The following KIF5C variants were observed in gnomAD, a reference collection of about 807,000 sequenced individuals.
The protein encoded by KIF5C is kinesin heavy chain isoform 5C.
In KIF5C, 18 loss-of-function variants were observed where a neutral mutation model predicts 125.2. The ratio of observed to expected loss-of-function variants is 0.14; its 90% CI spans 0.10 to 0.21. KIF5C has a LOEUF of 0.21. Among genes scored for constraint, KIF5C ranks in the 10% least tolerant of loss-of-function variants. The pLI, the probability that KIF5C is intolerant of heterozygous loss-of-function variation, is 1.00. For missense variants in KIF5C, 780 were observed against 1,183.8 expected (o/e 0.66, Z 5.01); for synonymous variants, 405 against 434.0 (o/e 0.93, Z 0.83).
Position 149,017,777 on chromosome 2 carries a change from C to T in KIF5C, c.*8-5301C>T, listed in dbSNP as rs549525288. Among the ~76,000 whole-genome samples the T allele has an allele frequency of 2.6e-5, 4 of 152,312 alleles. No individual in the cohort carries two copies. The South Asian group carries it at 8.3e-4, about 32-fold the overall frequency. On this transcript the variant is annotated intron_variant, in intron 25 of 25. Coordinates refer to ENST00000435030, the MANE Select transcript of KIF5C (RefSeq NM_004522.3). ...TTATTTTATTATAATACAATTTGCACATTGTAAACAGTATACATTCCCTAC... is the reference window on the plus strand; with the variant it reads ...TTATTTTATTATAATACAATTTGCATATTGTAAACAGTATACATTCCCTAC...
In KIF5C at chr2:148,875,576, C is replaced by CCCCCCCCCCAACCCCCAG; in HGVS notation, c.-37_-36insCCCCAACCCCCAGCCCCC. 1 of 549,558 alleles carries CCCCCCCCCCAACCCCCAG rather than the reference C, an allele frequency of 1.8e-6. No homozygotes were observed. Among genetic ancestry groups the CCCCCCCCCCAACCCCCAG allele is most frequent in the Non-Finnish European group, 3.4e-6 (1 of 291,390 alleles). The allele number at this position is 549,558 out of a possible 1,614,324, so 34.0% of individuals were successfully genotyped here. A position where few individuals can be genotyped will look rare whatever the true frequency, so the allele number is the denominator to read the frequency against. On this transcript the variant is annotated 5_prime_UTR_variant, in exon 1 of 26. Coordinates refer to ENST00000435030, the MANE Select transcript of KIF5C (RefSeq NM_004522.3). ...CCTCCCTCGTCGTTCCCGGCCCCGG[C>CCCCCCCCCCAACCCCCAG]CCCCCACCCATCCCCGTGCCCCCTC...
chr2:148,919,677 G>A (rs1452097816), intron 1 of KIF5C, among the ~76,000 whole-genome samples: 2 of 152,098 alleles, frequency 1.3e-5, no homozygotes, highest in Non-Finnish European at 2.9e-5. Flanking sequence ...TATACAGCTG[G>A]TACAGCTATG....
chr2:148,942,636 C>G (rs1381626399), intron 6 of KIF5C, 37 bp from the exon 7 acceptor site: 3 of 1,585,286 alleles, frequency 1.9e-6, no homozygotes, highest in Admixed American at 1.8e-5. Flanking sequence ...TGCTTTTCAA[C>G]TCTTTCAGTG....
chr2:149,020,722 C>T (rs970128519), intron 25 of KIF5C, among the ~76,000 whole-genome samples: 1 of 152,152 alleles, frequency 6.6e-6, no homozygotes, highest in Non-Finnish European at 1.5e-5. Flanking sequence ...GGATAGCGTG[C>T]GTGGAGAAAT....
rs147547924 is a variant in KIF5C at position 149,011,690 on chromosome 2, C to T, written c.*7+7C>T. On this transcript the variant is annotated splice_region_variant and intron_variant, in intron 25 of 25. Coordinates refer to ENST00000435030, the MANE Select transcript of KIF5C (RefSeq NM_004522.3). ...TACCAGAAATAAATACAAAGTGAGT[C>T]CCATGTCAAGGGTGGTTTCTCTATC... is the stretch of plus-strand genomic sequence containing the variant. 7 of 1,613,948 alleles carry T rather than the reference C, an allele frequency of 4.3e-6. No individual in the cohort carries two copies. In the African/African-American group the frequency reaches 9.3e-5, roughly 22 times the overall value.
At chr2:148,887,630 A>T (rs935163031) in intron 1 of KIF5C, among the ~76,000 whole-genome samples, 4 of 152,076 alleles carry the variant, frequency 2.6e-5, no homozygotes, top group African/African-American at 9.7e-5. Flanking sequence ...GGACAATTTG[A>T]TTCTTACTTT....
chr2:148,995,312 G>T (rs911335311), intron 17 of KIF5C, among the ~76,000 whole-genome samples: 2 of 152,158 alleles, frequency 1.3e-5, no homozygotes, highest in African/African-American at 4.8e-5. Flanking sequence ...CCCTTCCATG[G>T]CATCCTGTTG....
chr2:148,887,693 TTA>T (rs201911593), intron 1 of KIF5C, among the ~76,000 whole-genome samples: 1,780 of 148,600 alleles, frequency 0.012, 30 homozygotes, highest in African/African-American at 0.045. Flanking sequence ...TTTTTTTTTT[TTA>T]AATTCAACTT....
At chr2:148,950,980 C>T (rs1177177991) in intron 10 of KIF5C, among the ~76,000 whole-genome samples, 1 of 152,096 alleles carries the variant, frequency 6.6e-6, no homozygotes, top group Non-Finnish European at 1.5e-5. Context: ...AAGAACATGC[C>T]AGTCAAATGT....
At chr2:148,989,368 A>ACC (rs1212456558) in intron 15 of KIF5C, among the ~76,000 whole-genome samples, 1 of 148,994 alleles carries the variant, frequency 6.7e-6, no homozygotes, top group Non-Finnish European at 1.5e-5. Context: ...ACACACACAC[A>ACC]CCACATTTTC....
At chr2:149,010,456 G>A (rs554351851) in intron 24 of KIF5C, 105 bp downstream of exon 24, 94 of 1,449,284 alleles carry the variant, frequency 6.5e-5, no homozygotes, top group South Asian at 4.4e-4. Context: ...TGGAACATCT[G>A]AAAGGCTGGG....
intron 1 of KIF5C, chr2:148,878,090 T>C (rs1216487803): frequency 6.6e-6 from 1 of 152,212 alleles, no homozygotes; most frequent in Non-Finnish European, 1.5e-5. Context: ...AAACTTTTTA[T>C]TGAAATGAAG....
chr2:149,002,619 C>G (rs1681883948), intron 21 of KIF5C, among the ~76,000 whole-genome samples: 1 of 152,202 alleles, frequency 6.6e-6, no homozygotes, highest in African/African-American at 2.4e-5. Context: ...CACCCTCACT[C>G]CCCTTGCTTG....
chr2:148,956,285 G>A (rs1360007397), intron 10 of KIF5C, among the ~76,000 whole-genome samples: 2 of 152,228 alleles, frequency 1.3e-5, no homozygotes, highest in Non-Finnish European at 2.9e-5. Flanking sequence ...GAAGGATTGA[G>A]TGGTGCTGGG....
rs141937575 is a variant in KIF5C, at chr2:149,023,443, G to A, written c.*373G>A. 4.5e-3 allele frequency: 690 copies of A among 152,724 alleles called. 5 individuals carry two copies. The highest frequency in any genetic ancestry group is 7.3e-3 in the Non-Finnish European group (499 of 68,018). The allele number at this position is 152,724 out of a possible 1,614,324, so 9.5% of individuals were successfully genotyped here. A position where few individuals can be genotyped will look rare whatever the true frequency, so the allele number is the denominator to read the frequency against. On this transcript the variant is annotated 3_prime_UTR_variant, in exon 26 of 26. Coordinates refer to ENST00000435030, the MANE Select transcript of KIF5C (RefSeq NM_004522.3). ...CCCTAGAGGGGAACAACCAAGTGCCGTGGAGGCAGATGATCATGGTCTGCC... is the reference window on the plus strand; with the variant it reads ...CCCTAGAGGGGAACAACCAAGTGCCATGGAGGCAGATGATCATGGTCTGCC...
intron 25 of KIF5C, among the ~76,000 whole-genome samples, chr2:149,020,953 C>T (rs1341539636): frequency 1.3e-5 from 2 of 152,214 alleles, no homozygotes; most frequent in Non-Finnish European, 2.9e-5. Context: ...GAAATATCAC[C>T]CTCTAGGGTT....
chr2:149,010,372 G>T lies in KIF5C; in HGVS notation c.2767+21G>T, dbSNP rs764975446. The T allele has an allele frequency of 5.9e-6, 9 of 1,523,924 alleles. No homozygotes were observed. In the South Asian group the frequency reaches 1.1e-4, roughly 19 times the overall value. The allele number at this position is 1,523,924 out of a possible 1,614,324, so 94.4% of individuals were successfully genotyped here. On this transcript the variant is annotated intron_variant, in intron 24 of 25. Coordinates refer to ENST00000435030, the MANE Select transcript of KIF5C (RefSeq NM_004522.3). ...GATCGGTACGTGCGTGCACAGTGGC[G>T]CCCGGGGTTTGAGAAGCTACTGCGG...
intron 4 of KIF5C, among the ~76,000 whole-genome samples, chr2:148,941,171 A>G (rs1682398988): frequency 6.6e-6 from 1 of 152,158 alleles, no homozygotes; most frequent in Non-Finnish European, 1.5e-5. Flanking sequence ...GAGCTCTTGT[A>G]GTTCTAAACA....
At chr2:148,919,817 A>AT (rs1681710777) in intron 1 of KIF5C, among the ~76,000 whole-genome samples, 1 of 152,222 alleles carries the variant, frequency 6.6e-6, no homozygotes, top group Admixed American at 6.5e-5. Flanking sequence ...AAATATTTAC[A>AT]TTTTTAACTA....
Sources: gnomAD v4.1 joint callset for allele counts (sites outside exome capture counted in the v4.1 genomes callset) on GRCh38, gnomAD v4.1.1 for gene constraint, MANE v1.5 for transcripts, NCBI Gene and HGNC (gene_info 2026-07-23, HGNC 2026-07-21) for gene names.